The following CAST variants were observed in gnomAD, a reference collection of about 807,000 sequenced individuals.
CAST encodes calpastatin.
A neutral mutation model predicts 119.6 loss-of-function variants in CAST; 76 were observed. The ratio of observed to expected loss-of-function variants is 0.64; its 90% CI spans 0.53 to 0.77. CAST has a LOEUF of 0.77. CAST is among the 30% of genes least tolerant of loss of function. The pLI is 0.00. For synonymous variants in CAST, 319 were observed against 331.6 expected (o/e 0.96, Z 0.41); for missense variants, 953 against 946.5 (o/e 1.01, Z -0.09).
At chr5:96,636,227 T>C (rs1266362615) in intron 1 of CAST, among the ~76,000 whole-genome samples, 7 of 152,218 alleles carry the variant, frequency 4.6e-5, no homozygotes, top group Non-Finnish European at 1.0e-4. Context: ...GGCTTGACCT[T>C]TTAGCCTGTT....
intron 1 of CAST, among the ~76,000 whole-genome samples, chr5:96,669,671 A>T (rs1749806321): frequency 6.6e-6 from 1 of 152,222 alleles, no homozygotes; most frequent in South Asian, 2.1e-4. Flanking sequence ...ACTGGTGTAG[A>T]CATAGGGCAC....
the CAST span, among the ~76,000 whole-genome samples, chr5:96,091,897 G>A: frequency 1.3e-5 from 2 of 152,218 alleles, no homozygotes; most frequent in African/African-American, 4.8e-5. Context: ...CTGGCACACA[G>A]TGAGCACTCA....
chr5:96,340,227 G>A, the CAST span, among the ~76,000 whole-genome samples: 1 of 152,252 alleles, frequency 6.6e-6, no homozygotes, highest in Non-Finnish European at 1.5e-5. Context: ...CCCAGGATCT[G>A]GAACATTTTC....
chr5:96,485,480 T>TA, the CAST span, among the ~76,000 whole-genome samples: 1 of 152,042 alleles, frequency 6.6e-6, no homozygotes, highest in Admixed American at 6.6e-5. Flanking sequence ...AAGCTAAAAG[T>TA]AAAAAATCAT....
the CAST span, among the ~76,000 whole-genome samples, chr5:96,173,083 C>T: frequency 6.6e-6 from 1 of 152,228 alleles, no homozygotes; most frequent in Non-Finnish European, 1.5e-5. Flanking sequence ...CATCCTACCT[C>T]TGGCATAGAT....
the CAST span, chr5:96,412,967 C>G: frequency 9.9e-7 from 1 of 1,010,188 alleles, no homozygotes; most frequent in Non-Finnish European, 1.2e-6. Context: ...GATGCACCTC[C>G]TCATGGCTGT....
Position 96,773,692 on chromosome 5 carries a change from A to G in CAST, c.*1076A>G, listed in dbSNP as rs922382381. On this transcript the variant is annotated 3_prime_UTR_variant, in exon 32 of 32. Transcript: ENST00000675179. ...GTCCTACCACTTTGAATGGTTTTCT[A>G]ATATCTTAATGAATAGTTCCTGAAC... 3 of 152,276 alleles carry G rather than the reference A, an allele frequency of 2.0e-5. No homozygotes were observed. The highest frequency in any genetic ancestry group is 6.5e-5 in the Admixed American group (1 of 15,278). 9.4% of individuals were successfully genotyped at this position (152,276 alleles called of 1,614,324 possible). A position where few individuals can be genotyped will look rare whatever the true frequency, so the allele number is the denominator to read the frequency against.
the CAST span, among the ~76,000 whole-genome samples, chr5:96,040,069 C>T: frequency 1.3e-5 from 2 of 152,096 alleles, no homozygotes; most frequent in African/African-American, 4.8e-5. Flanking sequence ...TTGTAGTTCT[C>T]CTTGAAGAGA....
chr5:96,263,195 A>C, the CAST span, among the ~76,000 whole-genome samples: 3 of 152,184 alleles, frequency 2.0e-5, no homozygotes, highest in South Asian at 4.1e-4. Flanking sequence ...ATGTGCAGAC[A>C]GGGCTGAGAA....
chr5:96,551,140 G>GA (rs1746118170), intron 1 of CAST, among the ~76,000 whole-genome samples: 1 of 152,002 alleles, frequency 6.6e-6, no homozygotes, highest in South Asian at 2.1e-4. Flanking sequence ...TTGAAATGAA[G>GA]AAAAAAATGT....
chr5:96,367,844 C>T, the CAST span, among the ~76,000 whole-genome samples: 15 of 152,110 alleles, frequency 9.9e-5, no homozygotes, highest in Middle Eastern at 3.4e-3. Context: ...CACCCACTGT[C>T]GGAAAAGCCC....
the CAST span, among the ~76,000 whole-genome samples, chr5:96,407,163 A>G: frequency 2.6e-5 from 4 of 152,248 alleles, no homozygotes; most frequent in African/African-American, 9.6e-5. Context: ...GAAGCCTTAA[A>G]GAAACAGACT....
chr5:96,557,298 C>A (rs1262464002), intron 1 of CAST, among the ~76,000 whole-genome samples: 2 of 152,062 alleles, frequency 1.3e-5, no homozygotes, highest in Non-Finnish European at 2.9e-5. Flanking sequence ...GAAACTGCAT[C>A]AACTAACGAG....
the CAST span, among the ~76,000 whole-genome samples, chr5:96,405,842 C>G: frequency 6.6e-6 from 1 of 152,126 alleles, no homozygotes; most frequent in Non-Finnish European, 1.5e-5. Flanking sequence ...CTATATTGGT[C>G]ACTATACAAG....
the CAST span, among the ~76,000 whole-genome samples, chr5:96,330,459 A>G: frequency 6.6e-6 from 1 of 152,168 alleles, no homozygotes; most frequent in African/African-American, 2.4e-5. Flanking sequence ...TTATGGACAA[A>G]TGTATCAGTT....
At chr5:96,111,987 A>G in the CAST span, among the ~76,000 whole-genome samples, 1 of 151,336 alleles carries the variant, frequency 6.6e-6, no homozygotes, top group African/African-American at 2.4e-5. Context: ...TTTTAAAACT[A>G]TATATATTTT....
chr5:96,462,929 C>T, the CAST span, among the ~76,000 whole-genome samples: 26 of 152,026 alleles, frequency 1.7e-4, no homozygotes, highest in Admixed American at 2.6e-4. Context: ...CTTTGCCTTC[C>T]GTCATGATTG....
At chr5:96,085,756 G>C in the CAST span, among the ~76,000 whole-genome samples, 1 of 152,234 alleles carries the variant, frequency 6.6e-6, no homozygotes, top group South Asian at 2.1e-4. Context: ...GGCTTGGGCA[G>C]CTTGAAGGTC....
chr5:96,268,425 A>C, the CAST span, among the ~76,000 whole-genome samples: 3 of 152,104 alleles, frequency 2.0e-5, no homozygotes, highest in African/African-American at 7.2e-5. Context: ...AAAAAATTTT[A>C]TAATTAGCTG....
Sources: allele counts gnomAD v4.1 joint callset (sites outside exome capture counted in the v4.1 genomes callset), GRCh38; gene constraint gnomAD v4.1.1; transcripts MANE v1.5; gene names NCBI Gene and HGNC (gene_info 2026-07-23, HGNC 2026-07-21).